Variants in TRIOBP observed in about 807,000 individuals in gnomAD.
TRIOBP encodes TRIO and F-actin-binding protein.
In TRIOBP, 169 loss-of-function variants were observed where a neutral mutation model predicts 238.8. The ratio of observed to expected loss-of-function variants is 0.71; its 90% CI spans 0.62 to 0.80. The LOEUF is 0.80. Ranked by LOEUF, TRIOBP falls within the 30% of genes least tolerant of loss-of-function variation. The pLI is 0.00. For missense variants in TRIOBP, 2,838 were observed against 3,122.6 expected (o/e 0.91, Z 2.17); for synonymous variants, 1,150 against 1,274.4 (o/e 0.90, Z 2.08).
At position 37,723,374 on chromosome 22, in the gene TRIOBP, G is replaced by C. The variant is rs754785011; in HGVS notation, c.818G>C (p.Arg273Pro). 2 of 1,614,000 alleles carry C rather than the reference G, an allele frequency of 1.2e-6. No homozygotes were observed. Among genetic ancestry groups the C allele is most frequent in the Non-Finnish European group, 1.7e-6 (2 of 1,179,970 alleles). The change falls in exon 7 of 24, where the codon CGT (arginine) becomes CCT (proline). Residue 273 changes from arginine to proline, a missense_variant. By Grantham distance (103) the Arg-to-Pro change is moderately radical. Around this residue, in one of 5 missense-constraint regions of TRIOBP, gnomAD observed 535 missense variants for 537.3 expected, o/e 1.00. Transcript: ENST00000644935. ...QRDTAQAAST[R>P]EIPRASSPHR... ...GACACTGCTCAGGCTGCCTCTACAC[G>C]TGAAATCCCCAGAGCCTCCTCTCCC...
chr22:37,726,390 A>G lies in TRIOBP; in HGVS notation c.3834A>G (p.Pro1278=). 6.3e-7 allele frequency: 1 copy of G among 1,586,924 alleles called. No individual in the cohort carries two copies. ...ACACTGTGCTGGCCGACCTGCCCCC[A>G]CCCAGGAGGCTGGCCCAGAGACAGC... The part of the protein sequence containing the change: ...EEYTVLADLP[P]PRRLAQRQPG... The change falls in exon 7 of 24, where the codon CCA becomes CCG. Residue 1278 remains proline (P), a synonymous_variant. Coordinates refer to ENST00000644935, the MANE Select transcript of TRIOBP (RefSeq NM_001039141.3).
chr22:37,707,238 C>A (rs556933562), intron 3 of TRIOBP, among the ~76,000 whole-genome samples: 2 of 151,826 alleles, frequency 1.3e-5, no homozygotes, highest in Admixed American at 1.3e-4. Context: ...ATCTGGCCAC[C>A]GCACTCCAGC....
chr22:37,761,718 C>T (rs1004527440), intron 17 of TRIOBP, among the ~76,000 whole-genome samples: 1 of 151,406 alleles, frequency 6.6e-6, no homozygotes, highest in Non-Finnish European at 1.5e-5. Context: ...CAGGGAAGCC[C>T]GGAGACCGTC....
intron 1 of TRIOBP, among the ~76,000 whole-genome samples, chr22:37,697,357 A>C (rs565257772): frequency 6.6e-6 from 1 of 151,252 alleles, no homozygotes; most frequent in East Asian, 2.0e-4. Context: ...CCCCCTACCC[A>C]CCCCCAGGAA....
At chr22:37,745,120 T>C (rs1440508167) in intron 11 of TRIOBP, among the ~76,000 whole-genome samples, 1 of 152,000 alleles carries the variant, frequency 6.6e-6, no homozygotes, top group Non-Finnish European at 1.5e-5. Flanking sequence ...CACCTCAGCC[T>C]CCCAAAGTGT....
At chr22:37,754,399 A>G (rs1925797019) in intron 12 of TRIOBP, among the ~76,000 whole-genome samples, 1 of 141,454 alleles carries the variant, frequency 7.1e-6, no homozygotes, top group Non-Finnish European at 1.5e-5. Context: ...GGGCAACAAG[A>G]GCAAAACTCC....
chr22:37,702,634 CTTTTTT>C (rs34625454), intron 3 of TRIOBP, among the ~76,000 whole-genome samples: 11 of 81,202 alleles, frequency 1.4e-4, no homozygotes, highest in Non-Finnish European at 1.6e-4. Context: ...TTCTCTCTCT[CTTTTTT>C]TTTTTTTTTT....
intron 16 of TRIOBP, 141 bp downstream of exon 16, chr22:37,758,279 C>G: frequency 9.1e-7 from 1 of 1,094,866 alleles, no homozygotes; most frequent in South Asian, 1.4e-5. Context: ...GCACCCCACA[C>G]TCCTGCGAAC....
intron 12 of TRIOBP, among the ~76,000 whole-genome samples, chr22:37,752,097 A>G (rs1336152217): frequency 2.0e-5 from 3 of 151,952 alleles, no homozygotes; most frequent in African/African-American, 7.2e-5. Flanking sequence ...CCTCAGTAGG[A>G]GCCTGGGTGG....
At chr22:37,755,489 T>G in intron 14 of TRIOBP, 61 bp from the exon 15 acceptor site, 15 of 1,429,720 alleles carry the variant, frequency 1.0e-5, no homozygotes, top group Non-Finnish European at 1.4e-5. Context: ...CTGGGGTCCA[T>G]AGTGGGGAGG....
chr22:37,759,285 T>C (rs1453753487), intron 17 of TRIOBP, 21 bp downstream of exon 17: 9 of 1,606,096 alleles, frequency 5.6e-6, no homozygotes, highest in Non-Finnish European at 6.8e-6. Flanking sequence ...GGGGCTGTTT[T>C]TCAGGGGGAG....
At chr22:37,751,565 C>T (rs188489363) in intron 11 of TRIOBP, 104 of 606,880 alleles carry the variant, frequency 1.7e-4, no homozygotes, top group Admixed American at 4.4e-4. Context: ...CTGAGTGCCA[C>T]TATCAGGAAA....
intron 10 of TRIOBP, among the ~76,000 whole-genome samples, chr22:37,739,496 C>A (rs1412002972): frequency 6.6e-6 from 1 of 152,190 alleles, no homozygotes; most frequent in Admixed American, 6.5e-5. Context: ...CAAACCCTCA[C>A]TGTGCAGATG....
Position 37,725,319 on chromosome 22 carries a change from C to G in TRIOBP, c.2763C>G (p.Thr921=), listed in dbSNP as rs1319205414. 6.2e-7 allele frequency: 1 copy of G among 1,613,596 alleles called. No homozygotes were observed. The highest frequency in any genetic ancestry group is 8.5e-7 in the Non-Finnish European group (1 of 1,179,938). The change falls in exon 7 of 24, where the codon ACC becomes ACG. Residue 921 remains threonine, a synonymous_variant. Transcript: ENST00000644935. ...CAACTCAGAGTGATGGTCCCCGAAC[C>G]TCTTCCCCATCTCGCTCCAAGCAAA... is the stretch of plus-strand genomic sequence containing the variant. ...LRPTQSDGPR[T]SSPSRSKQSE... is the part of the protein sequence containing the mutation.
chr22:37,754,225 CATG>C (rs1925786567), intron 12 of TRIOBP, among the ~76,000 whole-genome samples: 1 of 152,086 alleles, frequency 6.6e-6, no homozygotes, highest in African/African-American at 2.4e-5. Flanking sequence ...GCCTGGCTGA[CATG>C]ATGAAACCCT....
At chr22:37,772,294 A>G (rs968747363) in intron 22 of TRIOBP, among the ~76,000 whole-genome samples, 4 of 152,208 alleles carry the variant, frequency 2.6e-5, no homozygotes, top group African/African-American at 9.6e-5. Flanking sequence ...GCGTGAACTC[A>G]CAGGAAGGGC....
Position 37,772,842 on chromosome 22 carries a change from C to T in TRIOBP, c.*2+78C>T. The T allele has an allele frequency of 4.5e-6, 7 of 1,544,780 alleles. No homozygotes were observed. The South Asian group carries it at 7.0e-5, about 15-fold the overall frequency. ...ACACCCGGGACTCCCTGGACCACCCCAGCCAGGCCACTTCCTTCTTCTGGC... is the reference window on the plus strand; with the variant it reads ...ACACCCGGGACTCCCTGGACCACCCTAGCCAGGCCACTTCCTTCTTCTGGC... On this transcript the variant is annotated intron_variant, in intron 23 of 23. Transcript: ENST00000644935.
At position 37,735,015 on chromosome 22, in the gene TRIOBP, G is replaced by A; in HGVS notation, c.4679G>A (p.Arg1560Lys). ...GAGAGGCGACCCGAGCTTGACTGGA[G>A]GGATCTGCTTGGCCTTCTCCGGGCA... The part of the protein sequence containing the change: ...GSERRPELDW[R>K]DLLGLLRAPG... The change falls in exon 9 of 24, where the codon AGG (arginine) becomes AAG (lysine). Residue 1560 changes from arginine (R) to lysine (K), a missense_variant. By Grantham distance (26) the Arg-to-Lys change is conservative (BLOSUM62 2). Transcript: ENST00000644935. The A allele has an allele frequency of 1.2e-6, 2 of 1,612,262 alleles. No homozygotes were observed. The highest frequency in any genetic ancestry group is 1.1e-5 in the South Asian group (1 of 91,076).
intron 3 of TRIOBP, among the ~76,000 whole-genome samples, chr22:37,705,356 C>T (rs1372302080): frequency 1.3e-5 from 2 of 151,504 alleles, no homozygotes. Flanking sequence ...GCCTGGGCAA[C>T]AGAGCGAGAA....
Sources: gnomAD v4.1 joint callset for allele counts (sites outside exome capture counted in the v4.1 genomes callset) on GRCh38, gnomAD v4.1.1 for gene constraint, gnomAD v4.1.1 regional missense constraint, MANE v1.5 for transcripts, NCBI Gene and HGNC (gene_info 2026-07-23, HGNC 2026-07-21) for gene names.